The following CNTN4 variants were observed in gnomAD, a reference collection of about 807,000 sequenced individuals.
The protein encoded by CNTN4 is contactin-4.
In CNTN4, 77 loss-of-function variants were observed where a neutral mutation model predicts 122.5. The ratio of observed to expected loss-of-function variants is 0.63; its 90% confidence interval spans 0.52 to 0.76. The LOEUF (loss-of-function observed/expected upper bound fraction) is 0.76, where lower values mean the gene tolerates loss of function less well. Ranked by LOEUF, CNTN4 falls within the 30% of genes least tolerant of loss-of-function variation. CNTN4 has a pLI of 0.00. For synonymous variants in CNTN4, 512 were observed against 447.0 expected, an observed-to-expected ratio of 1.15 and a Z score of -1.83; for missense variants, 1,256 against 1,259.1, an observed-to-expected ratio of 1.00 and a Z score of 0.04.
At chr3:2,492,781 T>C (rs1433402837) in intron 3 of CNTN4, among the ~76,000 whole-genome samples, 2 of 152,202 alleles carry the variant, frequency 1.3e-5, no homozygotes, top group Non-Finnish European at 2.9e-5. Context: ...ATTAGCTGTC[T>C]TTGTTGATAT....
intron 3 of CNTN4, among the ~76,000 whole-genome samples, chr3:2,353,458 A>C (rs779832305): frequency 4.6e-5 from 7 of 152,066 alleles, no homozygotes; most frequent in Non-Finnish European, 8.8e-5. Context: ...TTTGCAATAA[A>C]TCTTGCCGCT....
At chr3:2,931,570 A>T (rs930936330) in intron 13 of CNTN4, among the ~76,000 whole-genome samples, 1 of 152,112 alleles carries the variant, frequency 6.6e-6, no homozygotes, top group African/African-American at 2.4e-5. Flanking sequence ...TTCCTAATTT[A>T]TATATTTTAT....
intron 2 of CNTN4, among the ~76,000 whole-genome samples, chr3:2,220,773 A>G (rs943806235): frequency 2.6e-5 from 4 of 152,122 alleles, no homozygotes; most frequent in Non-Finnish European, 5.9e-5. Context: ...GCCAATTACC[A>G]TCAACAGATA....
intron 2 of CNTN4, among the ~76,000 whole-genome samples, chr3:2,263,724 T>C (rs1220723322): frequency 6.6e-6 from 1 of 152,136 alleles, no homozygotes; most frequent in Non-Finnish European, 1.5e-5. Context: ...TATTAGAACT[T>C]ATTTCTTCTA....
intron 2 of CNTN4, among the ~76,000 whole-genome samples, chr3:2,176,840 C>G (rs1313953587): frequency 6.6e-6 from 1 of 152,116 alleles, no homozygotes; most frequent in Non-Finnish European, 1.5e-5. Flanking sequence ...AACATCACTT[C>G]AAGGTCAATA....
intron 12 of CNTN4, among the ~76,000 whole-genome samples, chr3:2,922,530 T>A (rs1208792331): frequency 6.6e-6 from 1 of 151,940 alleles, no homozygotes; most frequent in Admixed American, 6.6e-5. Context: ...AGTTTATGGT[T>A]ACAACTGATA....
At chr3:2,542,406 C>T (rs746135) in intron 3 of CNTN4, among the ~76,000 whole-genome samples, 3,111 of 152,124 alleles carry the variant, frequency 0.02, 50 homozygotes, top group South Asian at 0.038. Flanking sequence ...CAAGAGAGAA[C>T]AGTATAGATA....
intron 23 of CNTN4, among the ~76,000 whole-genome samples, chr3:3,053,473 C>T (rs163572): frequency 0.41 from 63,046 of 152,118 alleles, 14,011 homozygotes; most frequent in African/African-American, 0.55. Flanking sequence ...GCCAAAGCAC[C>T]GATGTGTAAC....
intron 2 of CNTN4, among the ~76,000 whole-genome samples, chr3:2,332,036 T>C (rs2043748540): frequency 6.6e-6 from 1 of 152,138 alleles, no homozygotes; most frequent in Admixed American, 6.5e-5. Context: ...CCTGGGTCTC[T>C]TTTTCAGTCT....
chr3:2,534,837 T>TGCTGCTGCTGCTGCTGCTGC (rs1435013675), intron 3 of CNTN4, among the ~76,000 whole-genome samples: 1 of 50,096 alleles, frequency 2.0e-5, no homozygotes, highest in African/African-American at 5.8e-5. Flanking sequence ...GCTGCTGCTG[T>TGCTGCTGCTGCTGCTGCTGC]TGCTGTTATT....
At chr3:2,748,285 A>C (rs1252692040) in intron 6 of CNTN4, among the ~76,000 whole-genome samples, 1 of 152,200 alleles carries the variant, frequency 6.6e-6, no homozygotes, top group Non-Finnish European at 1.5e-5. Context: ...TTTCTTATAA[A>C]TTCCTATTCA....
rs182597091 is a variant in CNTN4 at position 2,206,840 on chromosome 3, C to T, written c.-145+106201C>T. 3.9e-4 allele frequency among the ~76,000 whole-genome samples: 58 copies of T among 149,178 alleles called. 1 individual carries two copies. Among genetic ancestry groups the T allele is most frequent in the South Asian group, 2.7e-3 (13 of 4,746 alleles). ...AAATACAATACAGGGATACCTCATC[C>T]GATTGCAGTTTGCATTACTGCACTT... On this transcript the variant is annotated intron_variant, in intron 2 of 24. Transcript: ENST00000418658.
chr3:2,972,370 A>G (rs1693009006), intron 13 of CNTN4, among the ~76,000 whole-genome samples: 1 of 152,070 alleles, frequency 6.6e-6, no homozygotes, highest in Non-Finnish European at 1.5e-5. Flanking sequence ...AAAGATTTTA[A>G]TAAATTCCCG....
intron 3 of CNTN4, among the ~76,000 whole-genome samples, chr3:2,493,496 G>T (rs759318726): frequency 6.7e-6 from 1 of 150,166 alleles, no homozygotes; most frequent in Non-Finnish European, 1.5e-5. Context: ...CACGGATCTA[G>T]TTGGTGTCTT....
chr3:2,709,361 C>T lies in CNTN4; in HGVS notation c.56-26854C>T, dbSNP rs60109486. Among the ~76,000 whole-genome samples, 5,162 of 152,090 alleles carry T rather than the reference C, an allele frequency of 0.034. 314 individuals carry two copies. Among genetic ancestry groups the T allele is most frequent in the African/African-American group, 0.12 (4,876 of 41,454 alleles). On this transcript the variant is annotated intron_variant, in intron 4 of 24. Transcript: ENST00000418658. The surrounding 1 kb of genome is among the most constrained non-coding windows in gnomAD (Gnocchi z 5.0). Reference sequence around the variant, plus strand: ...TGGGGGTCCTTAAAAAATACTGATGCGTAGGTCTCACGCCTGGTTAGGATT... The same window carrying T: ...TGGGGGTCCTTAAAAAATACTGATGTGTAGGTCTCACGCCTGGTTAGGATT...
intron 2 of CNTN4, among the ~76,000 whole-genome samples, chr3:2,176,318 A>G (rs2036746367): frequency 6.6e-6 from 1 of 152,162 alleles, no homozygotes; most frequent in South Asian, 2.1e-4. Flanking sequence ...TCTAATATGT[A>G]CTTATTAATG....
At chr3:2,977,153 A>G (rs903775217) in intron 13 of CNTN4, among the ~76,000 whole-genome samples, 4 of 152,214 alleles carry the variant, frequency 2.6e-5, no homozygotes, top group African/African-American at 7.2e-5. Context: ...TTCCAAAATT[A>G]TGCTGTATTG....
At chr3:2,579,625 C>G (rs1303110502) in intron 4 of CNTN4, among the ~76,000 whole-genome samples, 2 of 152,008 alleles carry the variant, frequency 1.3e-5, no homozygotes, top group Non-Finnish European at 2.9e-5. Flanking sequence ...ATATTCTTTG[C>G]ACTTAGTGCA....
At chr3:2,832,051 A>C (rs2093117195) in intron 7 of CNTN4, among the ~76,000 whole-genome samples, 2 of 152,218 alleles carry the variant, frequency 1.3e-5, no homozygotes, top group Admixed American at 1.3e-4. Context: ...AATATGAGAA[A>C]GACATTCATG....
Sources: gnomAD v4.1 joint callset for allele counts (sites outside exome capture counted in the v4.1 genomes callset) on GRCh38, gnomAD v4.1.1 for gene constraint, Gnocchi (gnomAD v3.1) non-coding constraint, MANE v1.5 for transcripts, NCBI Gene and HGNC (gene_info 2026-07-23, HGNC 2026-07-21) for gene names.